C1orf162: variants seen among roughly 807,000 people sequenced by gnomAD.
The protein encoded by C1orf162 is transmembrane protein C1orf162.
Under a neutral mutation model 11.4 loss-of-function variants are expected in C1orf162, and 10 were observed. The observed-to-expected ratio is 0.88, with a 90% confidence interval of 0.54 to 1.48. The LOEUF is 1.48. Among genes scored for constraint, C1orf162 ranks in the 40% most tolerant of loss-of-function variants. C1orf162 has a pLI of 0.00. For missense variants in C1orf162, 140 were observed against 149.5 expected (o/e 0.94, Z 0.33); for synonymous variants, 53 against 55.0 (o/e 0.96, Z 0.16).
intron 1 of C1orf162, chr1:111,474,553 C>T (rs762937080): frequency 1.3e-5 from 2 of 152,140 alleles, no homozygotes; most frequent in Non-Finnish European, 2.9e-5. Flanking sequence ...GCATATATTT[C>T]AATATTTTAA....
At chr1:111,474,239 C>A (rs1028369148) in intron 1 of C1orf162, among the ~76,000 whole-genome samples, 3 of 152,184 alleles carry the variant, frequency 2.0e-5, no homozygotes, top group African/African-American at 7.2e-5. Flanking sequence ...TATAGCACCG[C>A]TTCTATTTTA....
At chr1:111,477,503 T>C in intron 4 of C1orf162, 75 bp downstream of exon 4, 1 of 1,508,502 alleles carries the variant, frequency 6.6e-7, no homozygotes, top group Non-Finnish European at 9.2e-7. Context: ...GAGTGAGTAA[T>C]GGGAGGAGGT....
intron 1 of C1orf162, chr1:111,475,449 G>C (rs1391617784): frequency 6.5e-6 from 1 of 153,678 alleles, no homozygotes. Context: ...TACGTGAACA[G>C]ATTAGAAGTG....
In C1orf162 at chr1:111,478,387, C is replaced by G. The variant is rs1307099616; in HGVS notation, c.*264C>G. ...GGGGCATAGACTGCCTTCCTTGGAC[C>G]CTTCCAAAGTGTGTGGTACAGAGCT... On this transcript the variant is annotated 3_prime_UTR_variant, in exon 6 of 6. Coordinates refer to ENST00000369718, the MANE Select transcript of C1orf162 (RefSeq NM_001300834.2). 1.9e-6 allele frequency: 1 copy of G among 528,630 alleles called. No homozygotes were observed. The highest frequency in any genetic ancestry group is 3.4e-6 in the Non-Finnish European group (1 of 293,174). 32.7% of individuals were successfully genotyped at this position (528,630 alleles called of 1,614,324 possible).
rs748777651 is a variant in C1orf162 at position 111,476,068 on chromosome 1, G to A, written c.37+3G>A. 6.2e-7 allele frequency: 1 copy of A among 1,612,818 alleles called. No individual in the cohort carries two copies. The highest frequency in any genetic ancestry group is 1.1e-5 in the South Asian group (1 of 91,032). On this transcript the variant is annotated splice_donor_region_variant and intron_variant, in intron 2 of 5. Coordinates refer to ENST00000369718, the MANE Select transcript of C1orf162 (RefSeq NM_001300834.2). ...CTCCACATGTAAACCCGACACTGGT[G>A]AGTTTACGACAGGAATAATTACCTG...
At position 111,478,199 on chromosome 1, in the gene C1orf162, T is replaced by A; in HGVS notation, c.*76T>A. On this transcript the variant is annotated 3_prime_UTR_variant, in exon 6 of 6. Transcript: ENST00000369718. ...TCTTCACACATCACTTTCACTTTTT[T>A]ACAAATTTTGGACCACCACCTGTGT... 4 of 1,579,962 alleles carry A rather than the reference T, an allele frequency of 2.5e-6. No individual in the cohort carries two copies. Among genetic ancestry groups the A allele is most frequent in the Non-Finnish European group, 3.5e-6 (4 of 1,154,070 alleles).
At chr1:111,477,633 C>T (rs374086615) in intron 4 of C1orf162, 93 bp from the exon 5 acceptor site, 267 of 1,610,840 alleles carry the variant, frequency 1.7e-4, no homozygotes, top group Non-Finnish European at 2.2e-4. Flanking sequence ...CTCCTCCCCA[C>T]CCCACCCTTC....
Position 111,478,072 on chromosome 1 carries a change from T to A in C1orf162, c.342T>A (p.His114Gln). Residue 114 changes from histidine to glutamine, a missense_variant, in exon 6 of 6, where the codon CAT (histidine) becomes CAA (glutamine). By Grantham distance (24) the His-to-Gln change is conservative. Transcript: ENST00000369718. The stretch of plus-strand genomic sequence containing the variant: ...AGAGCAATCACTTGGCTGAGAACCA[T>A]TCTGCAGACTTTGACCCCATTGTCT... ...EEKSNHLAEN[H>Q]SADFDPIVYA... 2 of 1,614,188 alleles carry A rather than the reference T, an allele frequency of 1.2e-6. No homozygotes were observed. The highest frequency in any genetic ancestry group is 2.2e-5 in the South Asian group (2 of 91,084).
At position 111,478,006 on chromosome 1, in the gene C1orf162, A is replaced by G. The variant is rs759127037; in HGVS notation, c.276A>G (p.Ser92=). 28 of 1,613,992 alleles carry G rather than the reference A, an allele frequency of 1.7e-5. No individual in the cohort carries two copies. In the Admixed American group the frequency reaches 2.8e-4, roughly 16 times the overall value. ...AGCTTTCATCCATCCCAGGGGAATC[A>G]CTTACCTATGCCAGCACAACTTTCA... ...PAKLSSIPGE[S]LTYASTTFKL... is the part of the protein sequence containing the mutation. The change falls in exon 6 of 6, where the codon TCA becomes TCG. Residue 92 remains serine, a synonymous_variant. Transcript: ENST00000369718.
Position 111,475,973 on chromosome 1 carries a change from C to G in C1orf162, c.-11-45C>G, listed in dbSNP as rs186900164. On this transcript the variant is annotated intron_variant, in intron 1 of 5. Transcript: ENST00000369718. ...GTCTCAGAGCTGGCCCTTAAGCCGG[C>G]TCTCCCTTCCAAGCTTTCTAAGAGA... 4.0e-5 allele frequency: 61 copies of G among 1,539,672 alleles called. No homozygotes were observed. The African/African-American group carries it at 6.2e-4, about 16-fold the overall frequency.
At chr1:111,475,982 C>G (rs1186415884) in intron 1 of C1orf162, 36 bp from the exon 2 acceptor site, 5 of 1,584,258 alleles carry the variant, frequency 3.2e-6, no homozygotes, top group Non-Finnish European at 4.3e-6. Flanking sequence ...GCTCTCCCTT[C>G]CAAGCTTTCT....
Position 111,478,116 on chromosome 1 carries a change from CA to C in C1orf162, c.389del (p.Asn130ThrfsTer36). 6.2e-7 allele frequency: 1 copy of C among 1,614,202 alleles called. No homozygotes were observed. The highest frequency in any genetic ancestry group is 8.5e-7 in the Non-Finnish European group (1 of 1,180,004). On this transcript the variant is annotated frameshift_variant, in exon 6 of 6. Coordinates refer to ENST00000369718, the MANE Select transcript of C1orf162 (RefSeq NM_001300834.2). LOFTEE classifies it high-confidence loss of function. ...ATTGTCTATGCTCAAATTAAAGTAA[CA>C]AACTAACTCAGCTTTTCCAATGAGG... The part of the protein sequence containing the change: ...DPIVYAQIKV[T>X]N
Position 111,478,293 on chromosome 1 carries a change from C to G in C1orf162, c.*170C>G, listed in dbSNP as rs1172201072. On this transcript the variant is annotated 3_prime_UTR_variant, in exon 6 of 6. Coordinates refer to ENST00000369718, the MANE Select transcript of C1orf162 (RefSeq NM_001300834.2). ...TCCAGCATCTTTGGAGACCAATGGT[C>G]AGTCTTTTCCTGGCCAGAGGAAAGA... The G allele has an allele frequency of 1.3e-6, 1 of 759,236 alleles. No homozygotes were observed. The highest frequency in any genetic ancestry group is 2.1e-6 in the Non-Finnish European group (1 of 473,712). The allele number at this position is 759,236 out of a possible 1,614,324, so 47.0% of individuals were successfully genotyped here.
At chr1:111,474,980 T>C (rs1461118685) in intron 1 of C1orf162, 1 of 152,008 alleles carries the variant, frequency 6.6e-6, no homozygotes, top group Non-Finnish European at 1.5e-5. Context: ...CATTTTCCCA[T>C]GAGTTTGCCT....
At chr1:111,476,159 G>C (rs1653982776) in intron 2 of C1orf162, 94 bp downstream of exon 2, 3 of 1,222,396 alleles carry the variant, frequency 2.5e-6, no homozygotes, top group Non-Finnish European at 3.6e-6. Flanking sequence ...GCACTAGCTA[G>C]TGCATTTCTG....
At chr1:111,477,548 C>A (rs763453953) in intron 4 of C1orf162, 120 bp downstream of exon 4, 10 of 1,484,842 alleles carry the variant, frequency 6.7e-6, no homozygotes, top group Non-Finnish European at 9.4e-7. Flanking sequence ...CCTGCTTAGC[C>A]CACCCTGTCT....
intron 1 of C1orf162, chr1:111,475,409 A>T (rs1653957314): frequency 6.6e-6 from 1 of 152,228 alleles, no homozygotes; most frequent in African/African-American, 2.4e-5. Flanking sequence ...TAAAGCCTAA[A>T]CAAGAATATT....
chr1:111,477,614 TG>T, intron 4 of C1orf162, 111 bp from the exon 5 acceptor site: 1 of 1,310,050 alleles, frequency 7.6e-7, no homozygotes, highest in Non-Finnish European at 1.0e-6. Context: ...CCCACCCACC[TG>T]CCAACACCTC....
At chr1:111,477,608 C>T (rs755378657) in intron 4 of C1orf162, 118 bp from the exon 5 acceptor site, 27 of 1,562,814 alleles carry the variant, frequency 1.7e-5, no homozygotes, top group Non-Finnish European at 2.3e-5. Flanking sequence ...CTGCCCCCCA[C>T]CCACCTGCCA....
Sources: gnomAD v4.1 joint callset for allele counts (sites outside exome capture counted in the v4.1 genomes callset) on GRCh38, gnomAD v4.1.1 for gene constraint, MANE v1.5 for transcripts, NCBI Gene and HGNC (gene_info 2026-07-23, HGNC 2026-07-21) for gene names.